Variants in DPP6 observed in about 807,000 individuals in gnomAD.
DPP6 encodes dipeptidyl peptidase like 6, also known as A-type potassium channel modulatory protein DPP6.
In DPP6, 69 loss-of-function variants were observed where a neutral mutation model predicts 122.6. The ratio of observed to expected loss-of-function variants is 0.56; its 90% confidence interval spans 0.46 to 0.69. The LOEUF (loss-of-function observed/expected upper bound fraction) is 0.69, where lower values mean the gene tolerates loss of function less well. Ranked by LOEUF, DPP6 falls within the 30% of genes least tolerant of loss-of-function variation. The pLI is 0.00. For synonymous variants in DPP6, 418 were observed against 433.1 expected (o/e 0.97, Z 0.43); for missense variants, 928 against 1,116.9 (o/e 0.83, Z 2.41).
intron 6 of DPP6, among the ~76,000 whole-genome samples, chr7:154,665,490 T>A (rs1838091713): frequency 6.6e-6 from 1 of 152,192 alleles, no homozygotes; most frequent in Admixed American, 6.5e-5. Flanking sequence ...AAACCCCTAT[T>A]TTTTTAGTAT....
chr7:154,553,945 T>C (rs1829831874), intron 4 of DPP6, among the ~76,000 whole-genome samples: 2 of 148,402 alleles, frequency 1.3e-5, no homozygotes, highest in African/African-American at 5.0e-5. Context: ...AGCTGAGTCC[T>C]GGGGAACGAT....
At chr7:154,868,729 C>G (rs1429536249) in intron 18 of DPP6, among the ~76,000 whole-genome samples, 1 of 152,214 alleles carries the variant, frequency 6.6e-6, no homozygotes, top group Non-Finnish European at 1.5e-5. Flanking sequence ...AGCCTCAACT[C>G]CCACCTCCGC....
intron 1 of DPP6, among the ~76,000 whole-genome samples, chr7:154,313,714 T>TACAC (rs1554515600): frequency 5.6e-5 from 1 of 17,786 alleles, no homozygotes; most frequent in Non-Finnish European, 1.2e-4. Context: ...TATATATATA[T>TACAC]ACACACACAC....
In DPP6 at chr7:154,624,966, T is replaced by C. The variant is rs1264080867; in HGVS notation, c.628-12855T>C. On this transcript the variant is annotated intron_variant, in intron 5 of 25. Transcript: ENST00000377770. This position sits in a 1 kb window ranked among gnomAD's most constrained non-coding sequence, Gnocchi z 4.7. Reference sequence around the variant, plus strand: ...CAACAATGTGGACACCACCATAAACTGTGACATCACCATCACCCGGACACC... The same window carrying C: ...CAACAATGTGGACACCACCATAAACCGTGACATCACCATCACCCGGACACC... Among the ~76,000 whole-genome samples the C allele has an allele frequency of 6.6e-6, 1 of 152,198 alleles. No individual in the cohort carries two copies. Among genetic ancestry groups the C allele is most frequent in the African/African-American group, 2.4e-5 (1 of 41,454 alleles).
intron 1 of DPP6, among the ~76,000 whole-genome samples, chr7:154,262,896 A>AAG (rs1803129980): frequency 1.3e-5 from 2 of 152,220 alleles, no homozygotes; most frequent in Non-Finnish European, 1.5e-5. Flanking sequence ...CAGTGGATCA[A>AAG]AGAGACACAG....
chr7:154,276,959 C>G (rs946083910), intron 1 of DPP6, among the ~76,000 whole-genome samples: 9 of 152,150 alleles, frequency 5.9e-5, no homozygotes, highest in Non-Finnish European at 1.5e-5. Flanking sequence ...TCACGGTATT[C>G]TTGTGCTTGG....
chr7:154,342,562 TGAAA>T (rs1810025660), intron 1 of DPP6, among the ~76,000 whole-genome samples: 1 of 152,200 alleles, frequency 6.6e-6, no homozygotes, highest in South Asian at 2.1e-4. Flanking sequence ...TGAGACTGCC[TGAAA>T]GATTCATCAC....
At chr7:154,020,824 T>A (rs923004725) in intron 1 of DPP6, among the ~76,000 whole-genome samples, 1 of 151,934 alleles carries the variant, frequency 6.6e-6, no homozygotes, top group Non-Finnish European at 1.5e-5. Context: ...AAGAGAAACA[T>A]GAGGCATTTA....
At chr7:154,453,251 T>A (rs1820546384) in intron 2 of DPP6, among the ~76,000 whole-genome samples, 1 of 152,118 alleles carries the variant, frequency 6.6e-6, no homozygotes, top group South Asian at 2.1e-4. Flanking sequence ...ACTAGAACAC[T>A]TTTAGGTGGT....
chr7:153,773,332 T>A, the DPP6 span, among the ~76,000 whole-genome samples: 6 of 142,212 alleles, frequency 4.2e-5, no homozygotes, highest in Non-Finnish European at 9.3e-5. Flanking sequence ...ATATATATAT[T>A]TTTTTTTAAA....
chr7:153,956,717 G>A (rs550418315), intron 1 of DPP6, among the ~76,000 whole-genome samples: 5 of 152,152 alleles, frequency 3.3e-5, no homozygotes, highest in Admixed American at 6.5e-5. Context: ...TTTCTGAAGC[G>A]GAACCCAGTC....
the DPP6 span, among the ~76,000 whole-genome samples, chr7:153,846,601 C>T: frequency 2.0e-5 from 3 of 151,192 alleles, no homozygotes; most frequent in East Asian, 1.9e-4. Context: ...TTTTCTGCCT[C>T]ATCCAATCTC....
At chr7:154,835,431 C>T (rs932084978) in intron 16 of DPP6, among the ~76,000 whole-genome samples, 1 of 152,174 alleles carries the variant, frequency 6.6e-6, no homozygotes, top group African/African-American at 2.4e-5. Flanking sequence ...GTCTGTGGGA[C>T]CTTGTTAGGA....
At chr7:154,529,411 T>G (rs1181551741) in intron 3 of DPP6, among the ~76,000 whole-genome samples, 1 of 152,170 alleles carries the variant, frequency 6.6e-6, no homozygotes, top group Non-Finnish European at 1.5e-5. Flanking sequence ...GAAAATTGCC[T>G]GCTAGAACAA....
chr7:154,216,324 C>T (rs947069520), intron 1 of DPP6, among the ~76,000 whole-genome samples: 9 of 152,208 alleles, frequency 5.9e-5, no homozygotes, highest in African/African-American at 2.2e-4. Flanking sequence ...AGGGCTCCTA[C>T]TAAATACCCT....
chr7:154,017,468 G>C (rs1332807341), intron 1 of DPP6, among the ~76,000 whole-genome samples: 4 of 151,962 alleles, frequency 2.6e-5, no homozygotes, highest in Non-Finnish European at 2.9e-5. Flanking sequence ...GGGAGGCTGA[G>C]GATTGTTTGA....
chr7:154,812,704 G>C (rs1799149522), intron 16 of DPP6, among the ~76,000 whole-genome samples: 1 of 152,132 alleles, frequency 6.6e-6, no homozygotes, highest in South Asian at 2.1e-4. Flanking sequence ...TATAAATGTG[G>C]GGGGGACATA....
At chr7:154,313,712 T>TATATATGC (rs1554515587) in intron 1 of DPP6, among the ~76,000 whole-genome samples, 323 of 24,916 alleles carry the variant, frequency 0.013, 84 homozygotes, top group Non-Finnish European at 0.025. Context: ...TATATATATA[T>TATATATGC]ATACACACAC....
chr7:154,304,660 T>C (rs577747316), intron 1 of DPP6, among the ~76,000 whole-genome samples: 6 of 152,270 alleles, frequency 3.9e-5, no homozygotes, highest in East Asian at 1.9e-4. Flanking sequence ...GTAGATTCTT[T>C]GATTCTAACG....
Sources: gnomAD v4.1 joint callset for allele counts (sites outside exome capture counted in the v4.1 genomes callset) on GRCh38, gnomAD v4.1.1 for gene constraint, Gnocchi (gnomAD v3.1) non-coding constraint, MANE v1.5 for transcripts, NCBI Gene and HGNC (gene_info 2026-07-23, HGNC 2026-07-21) for gene names.